The following CHRM3 variants were observed in gnomAD, a reference collection of about 807,000 sequenced individuals.
CHRM3 encodes the protein muscarinic acetylcholine receptor M3.
A neutral mutation model predicts 41.8 loss-of-function variants in CHRM3; 11 were observed. The ratio of observed to expected loss-of-function variants is 0.26; its 90% CI spans 0.17 to 0.44. The LOEUF (loss-of-function observed/expected upper bound fraction) is 0.44, where lower values mean the gene tolerates loss of function less well. Among genes scored for constraint, CHRM3 ranks in the 20% least tolerant of loss-of-function variants. The pLI is 1.00. For synonymous variants in CHRM3, 297 were observed against 301.4 expected (o/e 0.99, Z 0.15); for missense variants, 571 against 745.4 (o/e 0.77, Z 2.72).
In CHRM3 at chr1:239,404,388, GAAAGAAAGAAAGAAAGAAAGAAAA is replaced by G. The variant is rs1558195292; in HGVS notation, c.-521+17163_-521+17186del. Among the ~76,000 whole-genome samples, 377 of 72,904 alleles carry G rather than the reference GAAAGAAAGAAAGAAAGAAAGAAAA, an allele frequency of 5.2e-3. 6 individuals are homozygous for G. The highest frequency in any genetic ancestry group is 8.0e-3 in the Admixed American group (44 of 5,468). The allele number at this position is 72,904 out of a possible 152,430, so 47.8% of individuals were successfully genotyped here. A position where few individuals can be genotyped will look rare whatever the true frequency, so the allele number is the denominator to read the frequency against. The stretch of plus-strand genomic sequence containing the variant: ...AGAAAGAAAGAAAGAAAGAAAGAAA[GAAAGAAAGAAAGAAAGAAAGAAAA>G]AGAAAGAAAGAAAGAAAGAAAGAAA... On this transcript the variant is annotated intron_variant, in intron 1 of 6. Coordinates refer to ENST00000676153, the MANE Select transcript of CHRM3 (RefSeq NM_001375978.1).
chr1:239,570,161 TC>T (rs1226413833), intron 3 of CHRM3, among the ~76,000 whole-genome samples: 1 of 152,018 alleles, frequency 6.6e-6, no homozygotes, highest in East Asian at 1.9e-4. Flanking sequence ...TGGGGGCAGT[TC>T]CCCCATGCTG....
chr1:239,722,225 G>T (rs1663039282), intron 5 of CHRM3, among the ~76,000 whole-genome samples: 1 of 151,860 alleles, frequency 6.6e-6, no homozygotes, highest in African/African-American at 2.4e-5. Context: ...GGGATTGACT[G>T]AAACCAATTT....
chr1:239,800,606 C>A (rs972485362), intron 5 of CHRM3, among the ~76,000 whole-genome samples: 22 of 152,206 alleles, frequency 1.4e-4, no homozygotes, highest in African/African-American at 5.3e-4. Context: ...GCAATTCTTA[C>A]AACGTCCAAG....
At chr1:239,526,182 A>G (rs1207948827) in intron 2 of CHRM3, among the ~76,000 whole-genome samples, 1 of 152,022 alleles carries the variant, frequency 6.6e-6, no homozygotes, top group East Asian at 1.9e-4. Context: ...ATCTTCTCTC[A>G]TTGCCTATGT....
At chr1:239,470,614 C>A (rs1332359777) in intron 1 of CHRM3, among the ~76,000 whole-genome samples, 1 of 152,164 alleles carries the variant, frequency 6.6e-6, no homozygotes. Context: ...ATTTCCCCTG[C>A]CTTCTTCCTC....
chr1:239,434,347 TC>T (rs1663062224), intron 1 of CHRM3, among the ~76,000 whole-genome samples: 1 of 152,200 alleles, frequency 6.6e-6, no homozygotes, highest in Non-Finnish European at 1.5e-5. Context: ...CTTTCTTGCC[TC>T]CTTTGTTTAG....
chr1:239,806,612 G>T (rs992348352), intron 5 of CHRM3, among the ~76,000 whole-genome samples: 1 of 152,212 alleles, frequency 6.6e-6, no homozygotes, highest in South Asian at 2.1e-4. Context: ...GGAGTGTGGG[G>T]ATGAGCCATA....
intron 6 of CHRM3, among the ~76,000 whole-genome samples, chr1:239,865,785 G>A (rs1018972584): frequency 2.0e-5 from 3 of 152,170 alleles, no homozygotes; most frequent in Admixed American, 2.0e-4. Context: ...TCTACTCAGA[G>A]CCTATCCTGT....
intron 5 of CHRM3, among the ~76,000 whole-genome samples, chr1:239,806,442 A>C (rs1454388700): frequency 6.7e-6 from 1 of 148,910 alleles, no homozygotes; most frequent in African/African-American, 2.5e-5. Flanking sequence ...ACACACACAC[A>C]CCCCTGTGGA....
In CHRM3 at chr1:239,883,556, C is replaced by T. The variant is rs139967643; in HGVS notation, c.-19-23877C>T. Among the ~76,000 whole-genome samples the T allele has an allele frequency of 7.7e-3, 1,180 of 152,320 alleles. 10 individuals are homozygous for T. Among genetic ancestry groups the T allele is most frequent in the African/African-American group, 0.026 (1,089 of 41,582 alleles). On this transcript the variant is annotated intron_variant, in intron 6 of 6. Coordinates refer to ENST00000676153, the MANE Select transcript of CHRM3 (RefSeq NM_001375978.1). ...GCTTACTAAATTTATTTGATCCTCC[C>T]TACAACCCCACACTTAGGTACTCTT...
chr1:239,672,055 A>G (rs544371348), intron 4 of CHRM3, among the ~76,000 whole-genome samples: 43 of 152,220 alleles, frequency 2.8e-4, no homozygotes, highest in African/African-American at 9.4e-4. Context: ...ATGTTGGTAA[A>G]GATGAGTTAT....
At chr1:239,602,418 G>A (rs1161287897) in intron 3 of CHRM3, among the ~76,000 whole-genome samples, 1 of 152,028 alleles carries the variant, frequency 6.6e-6, no homozygotes, top group Non-Finnish European at 1.5e-5. Flanking sequence ...ATGCATTTTG[G>A]TAGGGGAAAA....
chr1:239,911,666 T>G lies in CHRM3; in HGVS notation c.*2442T>G, dbSNP rs1680373877. Reference sequence around the variant, plus strand: ...GATTATCTCCTTATCCTTGTCCTTTTGTGATGCTAATAATAGCAGAAAAGG... The same window carrying G: ...GATTATCTCCTTATCCTTGTCCTTTGGTGATGCTAATAATAGCAGAAAAGG... On this transcript the variant is annotated 3_prime_UTR_variant, in exon 7 of 7. Transcript: ENST00000676153. 1 of 167,026 alleles carries G rather than the reference T, an allele frequency of 6.0e-6. No individual in the cohort carries two copies. The highest frequency in any genetic ancestry group is 2.4e-5 in the African/African-American group (1 of 41,430). 10.3% of individuals were successfully genotyped at this position (167,026 alleles called of 1,614,324 possible).
At chr1:239,404,766 T>C (rs1039756135) in intron 1 of CHRM3, among the ~76,000 whole-genome samples, 4 of 132,998 alleles carry the variant, frequency 3.0e-5, no homozygotes, top group African/African-American at 8.0e-5. Flanking sequence ...ATGGAAAATA[T>C]GGTTAACAAT....
At chr1:239,696,541 C>G (rs1225275539) in intron 5 of CHRM3, among the ~76,000 whole-genome samples, 1 of 152,000 alleles carries the variant, frequency 6.6e-6, no homozygotes, top group Non-Finnish European at 1.5e-5. Context: ...CACCCACTTC[C>G]CAGGGCCAAA....
chr1:239,557,643 C>T (rs1391449110), intron 3 of CHRM3, among the ~76,000 whole-genome samples: 2 of 152,128 alleles, frequency 1.3e-5, no homozygotes, highest in East Asian at 1.9e-4. Flanking sequence ...ACCGCTCCAC[C>T]GTCCCCCAAC....
intron 5 of CHRM3, chr1:239,703,503 T>A (rs935552829): frequency 5.3e-5 from 8 of 152,334 alleles, no homozygotes; most frequent in Admixed American, 5.2e-4. Context: ...TTTTCTTTTA[T>A]CCTTTCCCCA....
intron 6 of CHRM3, among the ~76,000 whole-genome samples, chr1:239,878,328 C>G (rs775676738): frequency 6.6e-6 from 1 of 152,120 alleles, no homozygotes; most frequent in Non-Finnish European, 1.5e-5. Context: ...AAGGAGCACA[C>G]AAGCTAGATC....
chr1:239,533,736 A>C (rs1286275355), intron 2 of CHRM3, among the ~76,000 whole-genome samples: 2 of 144,150 alleles, frequency 1.4e-5, no homozygotes, highest in African/African-American at 5.2e-5. Context: ...TGTCTCAAAA[A>C]AAAAAAAAAA....
Sources: gnomAD v4.1 joint callset for allele counts (sites outside exome capture counted in the v4.1 genomes callset) on GRCh38, gnomAD v4.1.1 for gene constraint, MANE v1.5 for transcripts, NCBI Gene and HGNC (gene_info 2026-07-23, HGNC 2026-07-21) for gene names.